Variants in HYDIN observed in about 807,000 individuals in gnomAD.
HYDIN encodes axonemal central pair apparatus protein HYDIN.
Under a neutral mutation model 403.9 loss-of-function variants are expected in HYDIN, and 132 were observed. The ratio of observed to expected loss-of-function variants is 0.33; its 90% CI spans 0.28 to 0.38. The LOEUF (loss-of-function observed/expected upper bound fraction) is 0.38, where lower values mean the gene tolerates loss of function less well. Among genes scored for constraint, HYDIN ranks in the 10% least tolerant of loss-of-function variants. The probability of loss-of-function intolerance (pLI) is 1.00; values close to 1 mark genes in which losing one functional copy is unlikely to be tolerated. For synonymous variants in HYDIN, 1,202 were observed against 1,891.7 expected, an observed-to-expected ratio of 0.64 and a Z score of 9.46; for missense variants, 2,827 against 5,009.5, an observed-to-expected ratio of 0.56 and a Z score of 13.15.
intron 43 of HYDIN, among the ~76,000 whole-genome samples, chr16:70,939,358 CA>C (rs1291811905): frequency 1.3e-5 from 2 of 152,240 alleles, no homozygotes; most frequent in Non-Finnish European, 2.9e-5. Context: ...TTTATTTCTC[CA>C]TAATGATCCA....
At chr16:71,056,268 T>C (rs1382810225) in intron 18 of HYDIN, among the ~76,000 whole-genome samples, 1 of 152,016 alleles carries the variant, frequency 6.6e-6, no homozygotes, top group African/African-American at 2.4e-5. Flanking sequence ...AGTCTACTGT[T>C]CCAGGTCACA....
intron 45 of HYDIN, among the ~76,000 whole-genome samples, chr16:70,932,805 A>T (rs1237886309): frequency 6.6e-6 from 1 of 152,234 alleles, no homozygotes; most frequent in African/African-American, 2.4e-5. Context: ...TTGTTCACCC[A>T]TCGAATCTAG....
chr16:70,997,130 C>A (rs2144061225), intron 23 of HYDIN, among the ~76,000 whole-genome samples: 1 of 150,472 alleles, frequency 6.6e-6, no homozygotes, highest in East Asian at 2.0e-4. Flanking sequence ...GGTTTGTGCT[C>A]CTGTGAGAAT....
chr16:71,031,130 G>C (rs2144156696), intron 19 of HYDIN, among the ~76,000 whole-genome samples: 1 of 149,360 alleles, frequency 6.7e-6, no homozygotes, highest in Non-Finnish European at 1.5e-5. Context: ...AACCCGGGAG[G>C]CGGAGCTTGC....
chr16:70,961,890 G>A, intron 38 of HYDIN, 69 bp downstream of exon 38: 1 of 1,004,550 alleles, frequency 1.0e-6, no homozygotes, highest in Non-Finnish European at 1.4e-6. Flanking sequence ...AAGTGACAAG[G>A]TACTGAATAT....
rs578209969 is a variant in HYDIN at position 70,874,858 on chromosome 16, G to A, written c.10619C>T (p.Ala3540Val). Residue 3540 changes from alanine to valine, a missense_variant, in exon 63 of 86, where the codon GCG becomes GTG. Physicochemically the swap from Ala to Val is moderately conservative, Grantham distance 64. Transcript: ENST00000393567. ...VFSLKGRPTT[A>V]YIYITEENKP... ...ATTTTCCTCTGTGATGTAGATATACGCGGTGGTGGGCCTCCCTTTCAGGGA... is the reference window on the plus strand; with the variant it reads ...ATTTTCCTCTGTGATGTAGATATACACGGTGGTGGGCCTCCCTTTCAGGGA... 6.9e-5 allele frequency: 112 copies of A among 1,613,170 alleles called. 2 individuals are homozygous for A. The South Asian group carries it at 7.3e-4, about 10-fold the overall frequency.
rs530840343 is a variant in HYDIN, at chr16:70,955,209, C to T, written c.6316+166G>A. On this transcript the variant is annotated intron_variant, in intron 40 of 85. Coordinates refer to ENST00000393567, the MANE Select transcript of HYDIN (RefSeq NM_001270974.2). The stretch of plus-strand genomic sequence containing the variant: ...GGGCAGGGCAGGAGACCCAGGAATG[C>T]TTCGTGAAGAGAATTCTCCTCTGGG... Among the ~76,000 whole-genome samples, 67 of 151,950 alleles carry T rather than the reference C, an allele frequency of 4.4e-4. 1 individual carries two copies. Among genetic ancestry groups the T allele is most frequent in the African/African-American group, 1.6e-3 (65 of 41,420 alleles).
At position 71,175,706 on chromosome 16, in the gene HYDIN, C is replaced by T. The variant is rs529209604; in HGVS notation, c.417G>A (p.Ser139=). ...PRLVKVVEES[S]PYFKVISPKD... ...TGGGGCTGATTACTTTAAAGTAAGG[C>T]GAACTTTCTTCCACAACTTTCACCA... Residue 139 remains serine, a synonymous_variant, in exon 5 of 86, where the codon TCG becomes TCA. Coordinates refer to ENST00000393567, the MANE Select transcript of HYDIN (RefSeq NM_001270974.2). The T allele has an allele frequency of 1.1e-5, 18 of 1,614,112 alleles. 1 individual carries two copies. Among genetic ancestry groups the T allele is most frequent in the South Asian group, 7.7e-5 (7 of 91,086 alleles).
At chr16:70,980,644 G>C (rs2079019210) in intron 29 of HYDIN, among the ~76,000 whole-genome samples, 1 of 151,734 alleles carries the variant, frequency 6.6e-6, no homozygotes, top group African/African-American at 2.4e-5. Flanking sequence ...TTCAGGGAAT[G>C]GGGTAACAGG....
chr16:71,054,368 G>A (rs1597656488), intron 18 of HYDIN, among the ~76,000 whole-genome samples: 1 of 152,368 alleles, frequency 6.6e-6, no homozygotes, highest in East Asian at 1.9e-4. Context: ...TGAAGCCTGA[G>A]AAACAGCCCA....
intron 44 of HYDIN, among the ~76,000 whole-genome samples, chr16:70,936,592 G>T (rs1247810012): frequency 6.7e-6 from 1 of 148,416 alleles, no homozygotes; most frequent in African/African-American, 2.4e-5. Flanking sequence ...CTGGAGTGCA[G>T]TGGTGTGATC....
chr16:70,831,243 C>T (rs2036962033), intron 80 of HYDIN, among the ~76,000 whole-genome samples: 1 of 152,060 alleles, frequency 6.6e-6, no homozygotes, highest in Admixed American at 6.5e-5. Flanking sequence ...GGCTTGGTGG[C>T]TCATGCCTGA....
chr16:70,832,738 C>T (rs539619048), intron 80 of HYDIN, 110 bp downstream of exon 80: 54 of 743,792 alleles, frequency 7.3e-5, no homozygotes, highest in East Asian at 1.0e-4. Context: ...GGTGTATTCA[C>T]AGGCCTCGTG....
intron 50 of HYDIN, among the ~76,000 whole-genome samples, chr16:70,905,247 A>C (rs1218108533): frequency 6.6e-6 from 1 of 151,814 alleles, no homozygotes; most frequent in Non-Finnish European, 1.5e-5. Context: ...TCCATCCGGC[A>C]CTGTGCTAAA....
chr16:71,211,906 C>T (rs903916909), intron 1 of HYDIN, among the ~76,000 whole-genome samples: 3 of 152,076 alleles, frequency 2.0e-5, no homozygotes, highest in Admixed American at 6.5e-5. Context: ...TACTAACATA[C>T]AAGCTTGATG....
At chr16:71,027,545 T>C in intron 20 of HYDIN, 57 bp downstream of exon 20, 2 of 1,606,424 alleles carry the variant, frequency 1.2e-6, no homozygotes, top group South Asian at 1.1e-5. Flanking sequence ...AAGAAATAGA[T>C]ACAGTAGAGA....
intron 12 of HYDIN, among the ~76,000 whole-genome samples, chr16:71,085,531 G>A (rs906376330): frequency 1.8e-4 from 27 of 151,376 alleles, no homozygotes; most frequent in Non-Finnish European, 3.1e-4. Context: ...CTTCTGCTTA[G>A]TTTTTTATTA....
intron 3 of HYDIN, 25 bp downstream of exon 3, chr16:71,184,840 T>C (rs371613507): frequency 1.3e-6 from 2 of 1,559,438 alleles, no homozygotes; most frequent in Non-Finnish European, 1.7e-6. Context: ...CCACTTTATA[T>C]GTAAGTACGA....
chr16:71,050,048 G>C (rs1470408895), intron 18 of HYDIN, among the ~76,000 whole-genome samples: 1 of 148,610 alleles, frequency 6.7e-6, no homozygotes, highest in Non-Finnish European at 1.5e-5. Context: ...GTGTGTGGGT[G>C]TGTGTGTGTG....
Sources: gnomAD v4.1 joint callset for allele counts (sites outside exome capture counted in the v4.1 genomes callset) on GRCh38, gnomAD v4.1.1 for gene constraint, MANE v1.5 for transcripts, NCBI Gene and HGNC (gene_info 2026-07-23, HGNC 2026-07-21) for gene names.